EDA: variants seen among roughly 807,000 people sequenced by gnomAD.
EDA encodes the protein ectodysplasin A.
A neutral mutation model predicts 23.6 loss-of-function variants in EDA; 2 were observed. The observed-to-expected ratio is 0.08, with a 90% confidence interval of 0.03 to 0.27. EDA has a LOEUF of 0.27. Ranked by LOEUF, EDA falls within the 10% of genes least tolerant of loss-of-function variation. EDA has a pLI of 1.00. For synonymous variants in EDA, 131 were observed against 132.0 expected, an observed-to-expected ratio of 0.99 and a Z score of 0.05; for missense variants, 229 against 324.2, an observed-to-expected ratio of 0.71 and a Z score of 2.26.
At chrX:70,000,221 C>G (rs747498434) in intron 2 of EDA, among the ~76,000 whole-genome samples, 133 of 112,079 alleles carry the variant, frequency 1.2e-3, no homozygotes, top group Non-Finnish European at 2.2e-3. Context: ...TCTTGAAGTT[C>G]TTACCAATGT....
intron 1 of EDA, among the ~76,000 whole-genome samples, chrX:69,669,478 TA>T (rs886690122): frequency 9.0e-6 from 1 of 111,589 alleles, no homozygotes; most frequent in African/African-American, 3.2e-5. Flanking sequence ...GATGCTTACA[TA>T]AAACATCTTA....
intron 3 of EDA, among the ~76,000 whole-genome samples, chrX:70,025,130 GT>G (rs764249952): frequency 7.5e-5 from 8 of 106,923 alleles, no homozygotes; most frequent in South Asian, 4.0e-4. Flanking sequence ...CAAAGCAGGA[GT>G]TTTTTTTTTT....
intron 1 of EDA, among the ~76,000 whole-genome samples, chrX:69,933,419 C>T (rs1009882857): frequency 3.6e-5 from 4 of 111,879 alleles, no homozygotes; most frequent in South Asian, 3.8e-4. Flanking sequence ...TGGTGGCTCA[C>T]GCCTATAATC....
At chrX:69,677,703 C>A (rs1934155451) in intron 1 of EDA, among the ~76,000 whole-genome samples, 1 of 111,586 alleles carries the variant, frequency 9.0e-6, no homozygotes, top group South Asian at 3.7e-4. Context: ...TGTTTGAGTT[C>A]ATTGTAGATT....
In EDA at chrX:69,733,293, G is replaced by C. The variant is rs754822607; in HGVS notation, c.396+116589G>C. ...AATTTTTGTATAAGGTGTAAGGAAG[G>C]GATCCAGTTTCAGGTTTCTACATAT... On this transcript the variant is annotated intron_variant, in intron 1 of 7. Coordinates refer to ENST00000374552, the MANE Select transcript of EDA (RefSeq NM_001399.5). Among the ~76,000 whole-genome samples the C allele has an allele frequency of 1.3e-4, 15 of 112,054 alleles. No homozygotes were observed. The South Asian group carries it at 5.6e-3, about 42-fold the overall frequency.
At chrX:69,821,241 T>TG (rs1189847147) in intron 1 of EDA, among the ~76,000 whole-genome samples, 3 of 34,321 alleles carry the variant, frequency 8.7e-5, no homozygotes, top group African/African-American at 2.4e-4. Context: ...TGGGGCCTAC[T>TG]GGGGGGGATG....
At position 69,993,507 on chromosome X, in the gene EDA, G is replaced by T. The variant is rs2019618270; in HGVS notation, c.503-29711G>T. The stretch of plus-strand genomic sequence containing the variant: ...TTATTACCATTTTAGAGGTAAGAAT[G>T]CTAAAACTTTGAAAGGTTAAGTTGC... On this transcript the variant is annotated intron_variant, in intron 2 of 7. Transcript: ENST00000374552. 4.5e-5 allele frequency among the ~76,000 whole-genome samples: 5 copies of T among 112,013 alleles called. No individual in the cohort carries two copies. In the South Asian group the frequency reaches 1.9e-3, roughly 42 times the overall value.
intron 1 of EDA, among the ~76,000 whole-genome samples, chrX:69,939,215 A>C (rs769371947): frequency 1.8e-5 from 2 of 111,930 alleles, no homozygotes; most frequent in Non-Finnish European, 3.8e-5. Context: ...TGATTTTTCT[A>C]ATCCATGAAC....
At chrX:69,941,491 T>C (rs2094496230) in intron 1 of EDA, among the ~76,000 whole-genome samples, 4 of 111,503 alleles carry the variant, frequency 3.6e-5, no homozygotes, top group Admixed American at 1.9e-4. Context: ...AATTGTTATA[T>C]CCTCTTGTTG....
intron 1 of EDA, among the ~76,000 whole-genome samples, chrX:69,871,312 G>A (rs1045860346): frequency 9.0e-6 from 1 of 111,309 alleles, no homozygotes; most frequent in African/African-American, 3.3e-5. Context: ...TTCTTTCAGA[G>A]GGACAGAACT....
chrX:69,618,632 G>A (rs751807315), intron 1 of EDA, among the ~76,000 whole-genome samples: 5 of 111,328 alleles, frequency 4.5e-5, no homozygotes, highest in Non-Finnish European at 7.5e-5. Context: ...TCCTAGTTGG[G>A]TGCCCATTCC....
At chrX:69,987,468 G>C (rs185584418) in intron 2 of EDA, among the ~76,000 whole-genome samples, 1 of 109,582 alleles carries the variant, frequency 9.1e-6, no homozygotes, top group East Asian at 2.9e-4. Context: ...AATGAAGACT[G>C]TCTTGGAACT....
intron 1 of EDA, chrX:69,749,767 C>A (rs944096173): frequency 8.6e-4 from 95 of 110,951 alleles, no homozygotes; most frequent in African/African-American, 3.0e-3. Context: ...AGATCTCTAA[C>A]AACACTAAAC....
intron 1 of EDA, among the ~76,000 whole-genome samples, chrX:69,817,359 A>G (rs1357965766): frequency 8.9e-6 from 1 of 111,753 alleles, no homozygotes; most frequent in Non-Finnish European, 1.9e-5. Flanking sequence ...GATTAAACTC[A>G]CACATAACAA....
At chrX:69,968,557 G>A (rs774599701) in intron 2 of EDA, among the ~76,000 whole-genome samples, 19 of 111,618 alleles carry the variant, frequency 1.7e-4, no homozygotes, top group South Asian at 3.8e-4. Context: ...CTTAATAAGT[G>A]GCCTTTCAAT....
intron 1 of EDA, among the ~76,000 whole-genome samples, chrX:69,643,999 C>T (rs1352530736): frequency 1.8e-5 from 2 of 110,991 alleles, no homozygotes; most frequent in Non-Finnish European, 3.8e-5. Flanking sequence ...CATGCTGTTA[C>T]TGTAATCTTG....
intron 1 of EDA, among the ~76,000 whole-genome samples, chrX:69,653,443 T>C (rs1302552967): frequency 9.0e-6 from 1 of 111,240 alleles, no homozygotes; most frequent in Non-Finnish European, 1.9e-5. Flanking sequence ...TGACTTCCTC[T>C]TTTCCTAATT....
chrX:69,787,712 G>A (rs2147463256), intron 1 of EDA, among the ~76,000 whole-genome samples: 1 of 111,118 alleles, frequency 9.0e-6, no homozygotes, highest in South Asian at 3.9e-4. Flanking sequence ...TTTCTCTCTG[G>A]CTGCCCTTAA....
At chrX:69,867,407 G>A (rs969099963) in intron 1 of EDA, among the ~76,000 whole-genome samples, 20 of 112,022 alleles carry the variant, frequency 1.8e-4, no homozygotes, top group African/African-American at 5.2e-4. Flanking sequence ...AGGTTCATTC[G>A]CCTACCTCTT....
Sources: allele counts gnomAD v4.1 joint callset (sites outside exome capture counted in the v4.1 genomes callset), GRCh38; gene constraint gnomAD v4.1.1; transcripts MANE v1.5; gene names NCBI Gene and HGNC (gene_info 2026-07-23, HGNC 2026-07-21).